Variants in ZBTB11 observed in about 807,000 individuals in gnomAD.
The protein encoded by ZBTB11 is zinc finger and BTB domain containing 11, also known as zinc finger and BTB domain-containing protein 11.
ZBTB11 carries 68 observed loss-of-function variants against 113.1 expected under a neutral mutation model. The ratio of observed to expected loss-of-function variants is 0.60; its 90% confidence interval spans 0.49 to 0.74. The LOEUF is 0.74. Ranked by LOEUF, ZBTB11 falls within the 30% of genes least tolerant of loss-of-function variation. The pLI is 0.00. For synonymous variants in ZBTB11, 518 were observed against 452.6 expected (o/e 1.14, Z -1.83); for missense variants, 1,104 against 1,279.4 (o/e 0.86, Z 2.09).
rs76506936 is a variant in ZBTB11 at position 101,671,675 on chromosome 3, C to T, written c.546+303G>A. On this transcript the variant is annotated intron_variant, in intron 2 of 10. Coordinates refer to ENST00000312938, the MANE Select transcript of ZBTB11 (RefSeq NM_014415.4). ...TGGCCAGATTAATTTTACCTTGGGG[C>T]GTAAACTCAGAGACTGCTTCCAGAA... The T allele has an allele frequency of 2.2e-3, 1,248 of 575,664 alleles. 18 individuals are homozygous for T. The East Asian group carries it at 0.032, about 15-fold the overall frequency. The allele number at this position is 575,664 out of a possible 1,614,324, so 35.7% of individuals were successfully genotyped here.
intron 3 of ZBTB11, among the ~76,000 whole-genome samples, chr3:101,669,146 C>T (rs1937044647): frequency 6.6e-6 from 1 of 152,170 alleles, no homozygotes; most frequent in Non-Finnish European, 1.5e-5. Flanking sequence ...GATCCTCCTA[C>T]CTCAGCCTCC....
rs1576648976 is a variant in ZBTB11 at position 101,664,709 on chromosome 3, A to C, written c.1629T>G (p.Ala543=). The change falls in exon 5 of 11, where the codon GCT becomes GCG. Residue 543 remains alanine, a synonymous_variant. Coordinates refer to ENST00000312938, the MANE Select transcript of ZBTB11 (RefSeq NM_014415.4). The part of the protein sequence containing the change: ...AVPKSAVQQV[A]QKLVQRGKKM... The stretch of plus-strand genomic sequence containing the variant: ...TTTTTCCTCTTTGAACTAACTTCTG[A>C]GCCACCTAGTAAGGGATAGAAATCA... 1 of 1,603,950 alleles carries C rather than the reference A, an allele frequency of 6.2e-7. No homozygotes were observed. Among genetic ancestry groups the C allele is most frequent in the East Asian group, 2.2e-5 (1 of 44,792 alleles).
chr3:101,654,827 A>T lies in ZBTB11; in HGVS notation c.2192-6T>A. 1 of 1,610,440 alleles carries T rather than the reference A, an allele frequency of 6.2e-7. No individual in the cohort carries two copies. Among genetic ancestry groups the T allele is most frequent in the Non-Finnish European group, 8.5e-7 (1 of 1,178,126 alleles). ...GCAAAGGTACTTGGACTCTCCTATT[A>T]GAAAAAATTAAAACCCTGTCACATA... On this transcript the variant is annotated splice_polypyrimidine_tract_variant and splice_region_variant and intron_variant, in intron 7 of 10. Coordinates refer to ENST00000312938, the MANE Select transcript of ZBTB11 (RefSeq NM_014415.4).
chr3:101,670,898 C>T (rs1937076256), intron 3 of ZBTB11: 1 of 454,886 alleles, frequency 2.2e-6, no homozygotes, highest in Non-Finnish European at 3.9e-6. Flanking sequence ...CCTAGAAATT[C>T]TTTTTCTGCT....
intron 6 of ZBTB11, among the ~76,000 whole-genome samples, chr3:101,658,466 C>T (rs1023574402): frequency 6.6e-6 from 1 of 152,082 alleles, no homozygotes; most frequent in Non-Finnish European, 1.5e-5. Context: ...TTGTGATCCG[C>T]CTGCCTCGGC....
intron 6 of ZBTB11, among the ~76,000 whole-genome samples, chr3:101,657,922 G>A (rs939275491): frequency 6.6e-6 from 1 of 152,180 alleles, no homozygotes; most frequent in Admixed American, 6.5e-5. Flanking sequence ...AGGATTGCTT[G>A]AAACCAGGAG....
chr3:101,675,970 AC>A (rs1937160643), intron 1 of ZBTB11, among the ~76,000 whole-genome samples: 1 of 151,910 alleles, frequency 6.6e-6, no homozygotes, highest in African/African-American at 2.4e-5. Flanking sequence ...AAAAACAGTA[AC>A]TGATATCTTT....
At chr3:101,674,606 A>T (rs1379602461) in intron 1 of ZBTB11, among the ~76,000 whole-genome samples, 3 of 151,450 alleles carry the variant, frequency 2.0e-5, no homozygotes, top group Admixed American at 1.3e-4. Flanking sequence ...AGACTGAGGC[A>T]CCAGAATCGC....
chr3:101,670,946 C>T, intron 3 of ZBTB11, 184 bp downstream of exon 3: 3 of 551,962 alleles, frequency 5.4e-6, no homozygotes, highest in Non-Finnish European at 9.8e-6. Flanking sequence ...AAGGAAATGA[C>T]ACCCTTTTCC....
In ZBTB11 at chr3:101,651,669, C is replaced by G; in HGVS notation, c.2659G>C (p.Glu887Gln). 1 of 1,427,866 alleles carries G rather than the reference C, an allele frequency of 7.0e-7. No homozygotes were observed. Among genetic ancestry groups the G allele is most frequent in the South Asian group, 1.5e-5 (1 of 68,188 alleles). 88.4% of individuals were successfully genotyped at this position (1,427,866 alleles called of 1,614,324 possible). The change falls in exon 11 of 11, where the codon GAG becomes CAG. Residue 887 changes from glutamate (E) to glutamine (Q), a missense_variant. Glu to Gln is a conservative substitution (Grantham distance 29). This residue lies in a region of ZBTB11 where 148 missense variants were observed against 259.3 expected (regional missense o/e 0.57). Coordinates refer to ENST00000312938, the MANE Select transcript of ZBTB11 (RefSeq NM_014415.4). ...CAAGCTACTCCACATGTTAAGCACT[C>G]AAATGGCTTAACTCCTAAAAAAAAA... ...MNNHEGVKPF[E>Q]CLTCGVAWAD...
chr3:101,671,534 T>A, intron 2 of ZBTB11, 173 bp from the exon 3 acceptor site: 1 of 611,382 alleles, frequency 1.6e-6, no homozygotes. Context: ...TCCTATTTTC[T>A]GCCATGTTCA....
At chr3:101,671,647 A>C (rs1229478249) in intron 2 of ZBTB11, 3 of 578,214 alleles carry the variant, frequency 5.2e-6, no homozygotes, top group Non-Finnish European at 9.1e-6. Flanking sequence ...AAAAACAAAG[A>C]CCTGGCCAGA....
At position 101,652,903 on chromosome 3, in the gene ZBTB11, C is replaced by T. The variant is rs759446277; in HGVS notation, c.2345G>A (p.Arg782His). The change falls in exon 9 of 11, where the codon CGC becomes CAC. Residue 782 changes from arginine to histidine, a missense_variant. Arg to His is a conservative substitution (Grantham distance 29). Around this residue, in one of 5 missense-constraint regions of ZBTB11, gnomAD observed 148 missense variants for 259.3 expected, o/e 0.57. Coordinates refer to ENST00000312938, the MANE Select transcript of ZBTB11 (RefSeq NM_014415.4). ...ACCAAGATGTTTGTTCATGTGCTGG[C>T]GAAGATCTCTAGCTTCAAAGAAACT... ...EKSFFEARDL[R>H]QHMNKHLGVK... 9.9e-6 allele frequency: 16 copies of T among 1,613,304 alleles called. No homozygotes were observed. The highest frequency in any genetic ancestry group is 6.7e-5 in the East Asian group (3 of 44,886).
At position 101,657,482 on chromosome 3, in the gene ZBTB11, C is replaced by T. The variant is rs568144504; in HGVS notation, c.2047-1234G>A. Among the ~76,000 whole-genome samples, 220 of 144,956 alleles carry T rather than the reference C, an allele frequency of 1.5e-3. 5 individuals carry two copies. Among genetic ancestry groups the T allele is most frequent in the Admixed American group, 0.013 (183 of 13,992 alleles). On this transcript the variant is annotated intron_variant, in intron 6 of 10. Coordinates refer to ENST00000312938, the MANE Select transcript of ZBTB11 (RefSeq NM_014415.4). The stretch of plus-strand genomic sequence containing the variant: ...GATGGCGCCACTGCACTCCAGCCTG[C>T]GGAAACAGAGTGAGACCCTGCCTCC...
At chr3:101,656,905 G>A (rs920545320) in intron 6 of ZBTB11, among the ~76,000 whole-genome samples, 3 of 151,792 alleles carry the variant, frequency 2.0e-5, no homozygotes, top group Non-Finnish European at 4.4e-5. Context: ...AGGCTGAGAC[G>A]GGCGGATCAT....
At position 101,651,117 on chromosome 3, in the gene ZBTB11, G is replaced by T; in HGVS notation, c.*49C>A. On this transcript the variant is annotated 3_prime_UTR_variant, in exon 11 of 11. Transcript: ENST00000312938. The stretch of plus-strand genomic sequence containing the variant: ...ACAGAATTGTAAACAAATGTTCTGT[G>T]AGTTCAGTGTACAAGAGATGTCACT... 1 of 1,502,386 alleles carries T rather than the reference G, an allele frequency of 6.7e-7. No homozygotes were observed. Among genetic ancestry groups the T allele is most frequent in the South Asian group, 1.4e-5 (1 of 73,000 alleles). 93.1% of individuals were successfully genotyped at this position (1,502,386 alleles called of 1,614,324 possible).
chr3:101,673,311 A>G (rs914996512), intron 1 of ZBTB11, among the ~76,000 whole-genome samples: 38 of 152,312 alleles, frequency 2.5e-4, no homozygotes, highest in African/African-American at 8.4e-4. Flanking sequence ...GTAAAATGGC[A>G]GAGCTAGGCC....
chr3:101,669,697 A>C (rs1005125419), intron 3 of ZBTB11, among the ~76,000 whole-genome samples: 4 of 152,160 alleles, frequency 2.6e-5, no homozygotes, highest in Admixed American at 2.6e-4. Flanking sequence ...AAATACCACT[A>C]ATCTAGAATG....
Position 101,656,236 on chromosome 3 carries a change from T to G in ZBTB11, c.2059A>C (p.Thr687Pro). 6.3e-7 allele frequency: 1 copy of G among 1,576,856 alleles called. No individual in the cohort carries two copies. Among genetic ancestry groups the G allele is most frequent in the African/African-American group, 1.4e-5 (1 of 72,908 alleles). ...KPHACQVCGK[T>P]FIYKHGLKLH... ...TTTAGACCATGCTTATAGATAAAAG[T>G]CTTTCCACAGACCTAAGATAGAACA... The change falls in exon 7 of 11, where the codon ACT (threonine) becomes CCT (proline). Residue 687 changes from threonine to proline, a missense_variant. By Grantham distance (38) the Thr-to-Pro change is conservative (BLOSUM62 -1). Coordinates refer to ENST00000312938, the MANE Select transcript of ZBTB11 (RefSeq NM_014415.4).
Sources: gnomAD v4.1 joint callset for allele counts (sites outside exome capture counted in the v4.1 genomes callset) on GRCh38, gnomAD v4.1.1 for gene constraint, gnomAD v4.1.1 regional missense constraint, MANE v1.5 for transcripts, NCBI Gene and HGNC (gene_info 2026-07-23, HGNC 2026-07-21) for gene names.